Variants in ERC2 observed in about 807,000 individuals in gnomAD.
The protein encoded by ERC2 is ERC protein 2.
In ERC2, 42 loss-of-function variants were observed where a neutral mutation model predicts 114.8. The observed-to-expected ratio is 0.37, with a 90% confidence interval of 0.29 to 0.47. The LOEUF is 0.47. Among genes scored for constraint, ERC2 ranks in the 20% least tolerant of loss-of-function variants. ERC2 has a pLI of 0.99. For missense variants in ERC2, 939 were observed against 1,150.7 expected (o/e 0.82, Z 2.66); for synonymous variants, 454 against 425.5 (o/e 1.07, Z -0.82).
chr3:55,582,051 TC>T (rs1387183575), intron 17 of ERC2, among the ~76,000 whole-genome samples: 9 of 152,168 alleles, frequency 5.9e-5, no homozygotes, highest in Admixed American at 1.3e-4. Flanking sequence ...TACAAGCTGT[TC>T]CCCCTGTCTG....
At chr3:55,990,420 A>T (rs2070971058) in intron 11 of ERC2, among the ~76,000 whole-genome samples, 1 of 152,168 alleles carries the variant, frequency 6.6e-6, no homozygotes, top group South Asian at 2.1e-4. Flanking sequence ...TTTAATACAG[A>T]GACAAAGTTG....
intron 7 of ERC2, among the ~76,000 whole-genome samples, chr3:56,020,355 TAGAC>T (rs2149593270): frequency 6.6e-6 from 1 of 152,262 alleles, no homozygotes; most frequent in Admixed American, 6.5e-5. Flanking sequence ...TGCCTTGAGA[TAGAC>T]AGCTTAGAAA....
At chr3:55,512,564 A>G (rs1423130039) in intron 17 of ERC2, among the ~76,000 whole-genome samples, 2 of 152,254 alleles carry the variant, frequency 1.3e-5, no homozygotes, top group Admixed American at 6.5e-5. Context: ...ATTAAAAGGT[A>G]AAGAGAAACC....
chr3:56,112,444 C>G (rs976930325), intron 6 of ERC2, among the ~76,000 whole-genome samples: 5 of 151,608 alleles, frequency 3.3e-5, no homozygotes, highest in African/African-American at 1.2e-4. Flanking sequence ...CACACACACA[C>G]ACACACACAC....
At chr3:55,586,674 C>T (rs2057621293) in intron 17 of ERC2, among the ~76,000 whole-genome samples, 1 of 152,204 alleles carries the variant, frequency 6.6e-6, no homozygotes, top group South Asian at 2.1e-4. Context: ...ACCCCCTCTC[C>T]TCTTACCGTA....
intron 17 of ERC2, among the ~76,000 whole-genome samples, chr3:55,599,757 G>C (rs1340029295): frequency 6.6e-6 from 1 of 152,180 alleles, no homozygotes; most frequent in East Asian, 1.9e-4. Context: ...TCAGGTTGAA[G>C]ATAATGACAA....
In ERC2 at chr3:56,240,434, G is replaced by A. The variant is rs1164431393; in HGVS notation, c.1074+55585C>T. 2.0e-5 allele frequency among the ~76,000 whole-genome samples: 3 copies of A among 152,140 alleles called. No homozygotes were observed. In the East Asian group the frequency reaches 5.8e-4, roughly 29 times the overall value. The stretch of plus-strand genomic sequence containing the variant: ...ATTTTCAATTTTTGTTTAAAAATGT[G>A]CTCAGAATCTTCATGTCTAGTAAGT... On this transcript the variant is annotated intron_variant, in intron 3 of 17. Coordinates refer to ENST00000288221, the MANE Select transcript of ERC2 (RefSeq NM_015576.3).
At chr3:55,900,072 G>A (rs930482253) in intron 13 of ERC2, among the ~76,000 whole-genome samples, 1 of 152,132 alleles carries the variant, frequency 6.6e-6, no homozygotes, top group Non-Finnish European at 1.5e-5. Context: ...TTTAAGGCAG[G>A]GGTACTTTGG....
chr3:55,797,803 A>G (rs1375379847), intron 14 of ERC2, among the ~76,000 whole-genome samples: 1 of 152,214 alleles, frequency 6.6e-6, no homozygotes, highest in South Asian at 2.1e-4. Flanking sequence ...CTCTTTCTAC[A>G]AAAAGGATTA....
At chr3:56,426,584 T>C (rs1306109590) in intron 2 of ERC2, among the ~76,000 whole-genome samples, 1 of 152,190 alleles carries the variant, frequency 6.6e-6, no homozygotes, top group Non-Finnish European at 1.5e-5. Context: ...TTGGTGAAAA[T>C]GATGAAAGCC....
At chr3:56,113,698 C>T (rs1381655039) in intron 6 of ERC2, among the ~76,000 whole-genome samples, 2 of 152,164 alleles carry the variant, frequency 1.3e-5, no homozygotes, top group Non-Finnish European at 2.9e-5. Context: ...TTAGCACAGA[C>T]CTCACAGGTT....
intron 16 of ERC2, among the ~76,000 whole-genome samples, chr3:55,691,557 AAAAAAAAAAAAAAAAAATATAT>A (rs1307311647): frequency 1.3e-3 from 49 of 36,960 alleles, no homozygotes; most frequent in African/African-American, 3.1e-3. Context: ...AAAAAAAAAA[AAAAAAAAAAAAAAAAAATATAT>A]ATATATATAT....
intron 14 of ERC2, among the ~76,000 whole-genome samples, chr3:55,753,130 G>A (rs898793736): frequency 6.6e-6 from 1 of 152,132 alleles, no homozygotes; most frequent in Middle Eastern, 3.2e-3. Flanking sequence ...TTCAGAACTC[G>A]GTGGGCAGAG....
At chr3:55,755,340 G>A (rs558990871) in intron 14 of ERC2, among the ~76,000 whole-genome samples, 189 of 152,140 alleles carry the variant, frequency 1.2e-3, no homozygotes, top group Middle Eastern at 3.4e-3. Flanking sequence ...GCAAATGCAG[G>A]GGATGAGGTT....
At chr3:55,531,617 A>T (rs2053672988) in intron 17 of ERC2, among the ~76,000 whole-genome samples, 1 of 152,186 alleles carries the variant, frequency 6.6e-6, no homozygotes, top group South Asian at 2.1e-4. Flanking sequence ...GTGTATAACC[A>T]CATGCACAAA....
intron 2 of ERC2, among the ~76,000 whole-genome samples, chr3:56,413,107 C>T (rs1387508381): frequency 2.0e-5 from 3 of 152,198 alleles, no homozygotes; most frequent in African/African-American, 7.2e-5. Flanking sequence ...CTAGGACATG[C>T]TGTGCTGGTG....
chr3:55,730,239 C>A lies in ERC2; in HGVS notation c.2712+4532G>T, dbSNP rs2065173642. Among the ~76,000 whole-genome samples, 6 of 152,288 alleles carry A rather than the reference C, an allele frequency of 3.9e-5. No individual in the cohort carries two copies. The South Asian group carries it at 1.2e-3, about 32-fold the overall frequency. Reference sequence around the variant, plus strand: ...ATGAGTGGTTTGATGGTGATTAAGTCATATAGTCTCTTGGACTTTGGTTTA... The same window carrying A: ...ATGAGTGGTTTGATGGTGATTAAGTAATATAGTCTCTTGGACTTTGGTTTA... On this transcript the variant is annotated intron_variant, in intron 15 of 17. Transcript: ENST00000288221.
chr3:55,772,506 C>T (rs541135808), intron 14 of ERC2, among the ~76,000 whole-genome samples: 3 of 152,298 alleles, frequency 2.0e-5, no homozygotes, highest in East Asian at 1.9e-4. Flanking sequence ...TTAGTAGAGA[C>T]GGGGTTTCAC....
At chr3:56,181,100 G>T (rs1022347940) in intron 3 of ERC2, among the ~76,000 whole-genome samples, 4 of 152,172 alleles carry the variant, frequency 2.6e-5, no homozygotes, top group African/African-American at 9.7e-5. Context: ...CTTTATCAAT[G>T]ATATTAAGTA....
Sources: allele counts gnomAD v4.1 joint callset (sites outside exome capture counted in the v4.1 genomes callset), GRCh38; gene constraint gnomAD v4.1.1; transcripts MANE v1.5; gene names NCBI Gene and HGNC (gene_info 2026-07-23, HGNC 2026-07-21).